Variants in MYO3A observed in about 807,000 individuals in gnomAD.
MYO3A encodes the protein myosin IIIA.
Under a neutral mutation model 192.7 loss-of-function variants are expected in MYO3A, and 180 were observed. The observed-to-expected ratio is 0.93, with a 90% confidence interval of 0.83 to 1.06. MYO3A has a LOEUF of 1.06. Ranked by LOEUF, MYO3A falls within the 50% of genes least tolerant of loss-of-function variation. The pLI, the probability that MYO3A is intolerant of heterozygous loss-of-function variation, is 0.00. For missense variants in MYO3A, 1,896 were observed against 1,905.0 expected (o/e 1.00, Z 0.09); for synonymous variants, 628 against 645.3 (o/e 0.97, Z 0.41).
At chr10:26,117,662 G>A (rs1337310936) in intron 17 of MYO3A, among the ~76,000 whole-genome samples, 1 of 152,142 alleles carries the variant, frequency 6.6e-6, no homozygotes, top group African/African-American at 2.4e-5. Context: ...TCCCTGCAAA[G>A]GACATGATCT....
At chr10:26,173,574 C>T (rs2132034214) in intron 29 of MYO3A, 89 bp from the exon 30 acceptor site, 1 of 1,227,768 alleles carries the variant, frequency 8.1e-7, no homozygotes. Context: ...TGCCTTTCTC[C>T]CACCGGTATC....
intron 30 of MYO3A, 108 bp from the exon 31 acceptor site, chr10:26,176,593 C>T (rs1842346396): frequency 1.0e-6 from 1 of 999,816 alleles, no homozygotes; most frequent in Admixed American, 2.0e-5. Flanking sequence ...TGGAGAGGAA[C>T]ATGAGAGTCC....
intron 4 of MYO3A, among the ~76,000 whole-genome samples, chr10:25,988,286 C>T (rs1588710235): frequency 6.6e-6 from 1 of 151,750 alleles, no homozygotes. Context: ...GATGGGTGCA[C>T]CAAAATCTCA....
chr10:26,122,506 C>T (rs1349717901), intron 18 of MYO3A, among the ~76,000 whole-genome samples: 2 of 152,100 alleles, frequency 1.3e-5, no homozygotes, highest in South Asian at 2.1e-4. Context: ...CAAATCTGAC[C>T]ACTTCTCTTT....
chr10:26,205,489 C>G, intron 34 of MYO3A, among the ~76,000 whole-genome samples: 8 of 131,898 alleles, frequency 6.1e-5, no homozygotes, highest in Admixed American at 2.4e-4. Flanking sequence ...TGGGGGGGGG[C>G]TTCCATGTAT....
At chr10:26,111,050 G>A (rs951108171) in intron 17 of MYO3A, among the ~76,000 whole-genome samples, 13 of 151,616 alleles carry the variant, frequency 8.6e-5, no homozygotes, top group African/African-American at 1.2e-4. Flanking sequence ...AACATTTTTT[G>A]TAGAGATGCA....
chr10:25,951,974 G>T, intron 2 of MYO3A, 120 bp from the exon 3 acceptor site: 1 of 702,036 alleles, frequency 1.4e-6, no homozygotes, highest in Non-Finnish European at 2.4e-6. Context: ...AAATATGTTT[G>T]GTTGCTGTTG....
rs1215112810 is a variant in MYO3A at position 26,141,311 on chromosome 10, CTAAG to C, written c.2263-2134_2263-2131del. ...TCTTTCTCCATATGCTTGAAAACAA[CTAAG>C]TATTTTGGGATCATAACTGCTATAT... is the stretch of plus-strand genomic sequence containing the variant. On this transcript the variant is annotated intron_variant, in intron 20 of 34. Transcript: ENST00000642920. Among the ~76,000 whole-genome samples, 4 of 152,272 alleles carry C rather than the reference CTAAG, an allele frequency of 2.6e-5. No individual in the cohort carries two copies. In the East Asian group the frequency reaches 7.7e-4, roughly 29 times the overall value.
intron 10 of MYO3A, among the ~76,000 whole-genome samples, chr10:26,028,441 C>T (rs570327176): frequency 7.2e-5 from 11 of 152,226 alleles, no homozygotes; most frequent in African/African-American, 2.6e-4. Context: ...AATTAAGTGA[C>T]AAAAGAAAGA....
chr10:26,018,754 CA>C (rs1331840049), intron 7 of MYO3A, among the ~76,000 whole-genome samples: 1 of 152,118 alleles, frequency 6.6e-6, no homozygotes, highest in Non-Finnish European at 1.5e-5. Flanking sequence ...AAGCATTAAA[CA>C]AGAATGTCTA....
intron 24 of MYO3A, 67 bp downstream of exon 24, chr10:26,153,996 A>G (rs1456099355): frequency 1.6e-5 from 18 of 1,134,744 alleles, no homozygotes; most frequent in Admixed American, 3.6e-5. Context: ...CAATATTTGT[A>G]TGCTTCTCAA....
At chr10:26,099,729 G>A (rs1185287791) in intron 17 of MYO3A, among the ~76,000 whole-genome samples, 4 of 152,120 alleles carry the variant, frequency 2.6e-5, no homozygotes, top group African/African-American at 9.7e-5. Flanking sequence ...ATTTGCATAT[G>A]TTGAACCAGC....
At chr10:26,168,516 C>A (rs916134625) in intron 27 of MYO3A, among the ~76,000 whole-genome samples, 196 bp from the exon 28 acceptor site, 2 of 152,168 alleles carry the variant, frequency 1.3e-5, no homozygotes, top group African/African-American at 4.8e-5. Flanking sequence ...TCACCTTCTG[C>A]ATTTCTTCTC....
At chr10:26,094,486 A>G (rs1463585495) in intron 15 of MYO3A, among the ~76,000 whole-genome samples, 2 of 134,830 alleles carry the variant, frequency 1.5e-5, no homozygotes, top group Non-Finnish European at 3.0e-5. Context: ...GTGCAGTGGC[A>G]CGATTTCGGC....
intron 31 of MYO3A, among the ~76,000 whole-genome samples, chr10:26,186,265 T>TC (rs1491341779): frequency 7.2e-6 from 1 of 138,008 alleles, no homozygotes; most frequent in Non-Finnish European, 1.6e-5. Context: ...GTGATATCCT[T>TC]CTTTTTTTTT....
intron 4 of MYO3A, among the ~76,000 whole-genome samples, chr10:25,993,399 T>G (rs992270482): frequency 6.6e-6 from 1 of 152,100 alleles, no homozygotes; most frequent in African/African-American, 2.4e-5. Flanking sequence ...TTCTTCTCTC[T>G]TTTCTTCTTT....
chr10:25,988,826 A>G (rs1230765969), intron 4 of MYO3A, among the ~76,000 whole-genome samples: 1 of 152,172 alleles, frequency 6.6e-6, no homozygotes, highest in Non-Finnish European at 1.5e-5. Flanking sequence ...TTGTGTTAAC[A>G]TAATAGTCAA....
Position 25,997,220 on chromosome 10 carries a change from T to C in MYO3A, c.470T>C (p.Leu157Pro). The C allele has an allele frequency of 6.2e-7, 1 of 1,613,582 alleles. No homozygotes were observed. The highest frequency in any genetic ancestry group is 8.5e-7 in the Non-Finnish European group (1 of 1,179,660). ...IHRDVKGNNILLTTEGGVKLV... is the reference protein window; with the variant it reads ...IHRDVKGNNIPLTTEGGVKLV... ...AGAGATGTGAAAGGCAATAACATTC[T>C]ATTGACCACGGAAGGTGGAGTGAAA... Residue 157 changes from leucine (L) to proline (P), a missense_variant, in exon 6 of 35, where the codon CTA (leucine) becomes CCA (proline). Physicochemically the swap from Leu to Pro is moderately conservative, Grantham distance 98 (BLOSUM62 -3). Transcript: ENST00000642920.
chr10:26,050,218 C>A (rs1416927274), intron 10 of MYO3A, among the ~76,000 whole-genome samples: 1 of 152,064 alleles, frequency 6.6e-6, no homozygotes, highest in Non-Finnish European at 1.5e-5. Context: ...AATATATTTA[C>A]GGCCTCCCAA....
Sources: allele counts gnomAD v4.1 joint callset (sites outside exome capture counted in the v4.1 genomes callset), GRCh38; gene constraint gnomAD v4.1.1; transcripts MANE v1.5; gene names NCBI Gene and HGNC (gene_info 2026-07-23, HGNC 2026-07-21).